Variants in MED23 observed in about 807,000 individuals in gnomAD.
The protein encoded by MED23 is mediator of RNA polymerase II transcription subunit 23.
In MED23, 105 loss-of-function variants were observed where a neutral mutation model predicts 163.9. The observed-to-expected ratio is 0.64, with a 90% confidence interval of 0.55 to 0.75. The LOEUF (loss-of-function observed/expected upper bound fraction) is 0.75. Among genes scored for constraint, MED23 ranks in the 30% least tolerant of loss-of-function variants. The probability of loss-of-function intolerance (pLI) is 0.00; values close to 1 mark genes in which losing one functional copy is unlikely to be tolerated. For missense variants in MED23, 1,054 were observed against 1,649.0 expected, an observed-to-expected ratio of 0.64 and a Z score of 6.25; for synonymous variants, 561 against 565.6, an observed-to-expected ratio of 0.99 and a Z score of 0.12.
intron 15 of MED23, among the ~76,000 whole-genome samples, chr6:131,603,837 C>T (rs1775666196): frequency 6.6e-6 from 1 of 152,162 alleles, no homozygotes; most frequent in Non-Finnish European, 1.5e-5. Context: ...CACTGGAGGA[C>T]AGCATTGCTG....
downstream of MED23, chr6:131,583,539 A>G: frequency 6.4e-7 from 1 of 1,566,844 alleles, no homozygotes; most frequent in Non-Finnish European, 8.6e-7. Context: ...CACTTGACTA[A>G]TATATATTTA....
chr6:131,590,249 A>T (rs1774500720), intron 27 of MED23, 73 bp downstream of exon 27: 7 of 1,427,554 alleles, frequency 4.9e-6, no homozygotes, highest in Non-Finnish European at 6.9e-6. Context: ...CAGTTTCAAT[A>T]ACACTGGTAA....
At chr6:131,614,928 C>G (rs1030112353) in intron 10 of MED23, among the ~76,000 whole-genome samples, 7 of 151,638 alleles carry the variant, frequency 4.6e-5, no homozygotes, top group Non-Finnish European at 1.0e-4. Flanking sequence ...AAGGCCACCA[C>G]AAATCTTTCC....
intron 12 of MED23, 99 bp from the exon 13 acceptor site, chr6:131,606,723 A>G: frequency 7.5e-6 from 8 of 1,063,440 alleles, no homozygotes; most frequent in Non-Finnish European, 1.1e-5. Context: ...AACTCTTTTT[A>G]GCATATCATG....
At chr6:131,617,398 C>A (rs73779832) in intron 9 of MED23, among the ~76,000 whole-genome samples, 4,042 of 148,468 alleles carry the variant, frequency 0.027, 189 homozygotes, top group African/African-American at 0.092. Context: ...TTAAGATAAT[C>A]TTTAAAAGAC....
At chr6:131,582,642 TC>T, downstream of MED23, 1 of 1,613,896 alleles carries the variant, frequency 6.2e-7, no homozygotes, top group Non-Finnish European at 8.5e-7. Flanking sequence ...GCCAGGATTC[TC>T]CTGGGTGACT....
Position 131,598,901 on chromosome 6 carries a change from A to G in MED23, c.2221-140T>C, listed in dbSNP as rs777552154. The G allele has an allele frequency of 1.4e-6, 1 of 727,166 alleles. No individual in the cohort carries two copies. Among genetic ancestry groups the G allele is most frequent in the Non-Finnish European group, 2.4e-6 (1 of 417,322 alleles). The allele number at this position is 727,166 out of a possible 1,614,324, so 45.0% of individuals were successfully genotyped here. On this transcript the variant is annotated intron_variant, in intron 18 of 28. Coordinates refer to ENST00000368068, the MANE Select transcript of MED23 (RefSeq NM_004830.4). This position sits in a 1 kb window ranked among gnomAD's most constrained non-coding sequence, Gnocchi z 4.7. ...TGAGCAACTCAGCAATTAAGGCCTG[A>G]ATTTCTGTGTCTGGAAAATACATAA...
intron 27 of MED23, 55 bp from the exon 28 acceptor site, chr6:131,589,651 G>T: frequency 1.3e-6 from 2 of 1,556,004 alleles, no homozygotes; most frequent in Non-Finnish European, 1.8e-6. Flanking sequence ...CAGTAATTCA[G>T]CATGATGCAG....
chr6:131,599,957 C>T lies in MED23; in HGVS notation c.2220+81G>A. ...AAAAGCTAATTTTATTCAGAAGTCA[C>T]CAAGACTCACTCTAGAACACCATTG... On this transcript the variant is annotated intron_variant, in intron 18 of 28. Transcript: ENST00000368068. 2.6e-6 allele frequency: 4 copies of T among 1,525,920 alleles called. No individual in the cohort carries two copies. In the Admixed American group the frequency reaches 6.7e-5, roughly 26 times the overall value. The allele number at this position is 1,525,920 out of a possible 1,614,324, so 94.5% of individuals were successfully genotyped here. A position where few individuals can be genotyped will look rare whatever the true frequency, so the allele number is the denominator to read the frequency against.
chr6:131,591,499 C>T lies in MED23; in HGVS notation c.3500G>A (p.Arg1167Gln), dbSNP rs1774631668. 8 of 1,613,478 alleles carry T rather than the reference C, an allele frequency of 5.0e-6. No homozygotes were observed. The highest frequency in any genetic ancestry group is 4.5e-5 in the East Asian group (2 of 44,882). The change falls in exon 26 of 29, where the codon CGA (arginine) becomes CAA (glutamine). Residue 1167 changes from arginine (R) to glutamine (Q), a missense_variant. Physicochemically the swap from Arg to Gln is conservative, Grantham distance 43. Coordinates refer to ENST00000368068, the MANE Select transcript of MED23 (RefSeq NM_004830.4). ...PEPYWIVLHD[R>Q]IVSVISSPSL... The stretch of plus-strand genomic sequence containing the variant: ...GGGGCTGCTGATGACACTCACAATT[C>T]GATCATGAAGAACAATCCAATATGG...
chr6:131,593,557 G>T (rs564104198), intron 23 of MED23, among the ~76,000 whole-genome samples: 54 of 152,088 alleles, frequency 3.6e-4, no homozygotes, highest in Non-Finnish European at 6.5e-4. Context: ...GCTCATTTAT[G>T]TAGAATTTCT....
chr6:131,605,307 C>T lies in MED23; in HGVS notation c.1546G>A (p.Ala516Thr). Residue 516 changes from alanine to threonine, a missense_variant, in exon 14 of 29, where the codon GCT becomes ACT. By Grantham distance (58) the Ala-to-Thr change is moderately conservative. Around this residue, in one of 11 missense-constraint regions of MED23, gnomAD observed 54 missense variants for 89.8 expected, o/e 0.60. Coordinates refer to ENST00000368068, the MANE Select transcript of MED23 (RefSeq NM_004830.4). ...RIPLPGTNCM[A>T]SGSITPLPMN... ...GGTAAGGGGGTAATAGATCCTGAAG[C>T]CATACAGTTTGTTCCAGGGAGAGGT... 6.2e-7 allele frequency: 1 copy of T among 1,613,262 alleles called. No homozygotes were observed. Among genetic ancestry groups the T allele is most frequent in the Non-Finnish European group, 8.5e-7 (1 of 1,179,420 alleles).
chr6:131,579,993 G>T (rs1773837864), intron 30 of MED23, among the ~76,000 whole-genome samples: 2 of 151,978 alleles, frequency 1.3e-5, no homozygotes, highest in South Asian at 2.1e-4. Context: ...TTCATCAAGG[G>T]GTTACATCGC....
In MED23 at chr6:131,628,145, A is replaced by C; in HGVS notation, c.-96T>G. ...GGGGCAGAGGGGCGGAGACCTCTGG[A>C]GGAAACCGTAGCTCCTCGGCGTCGC... is the stretch of plus-strand genomic sequence containing the variant. On this transcript the variant is annotated 5_prime_UTR_variant, in exon 1 of 29. Coordinates refer to ENST00000368068, the MANE Select transcript of MED23 (RefSeq NM_004830.4). The C allele has an allele frequency of 7.8e-6, 11 of 1,414,238 alleles. No homozygotes were observed. In the South Asian group the frequency reaches 1.3e-4, roughly 16 times the overall value. 87.6% of individuals were successfully genotyped at this position (1,414,238 alleles called of 1,614,324 possible).
intron 22 of MED23, 103 bp from the exon 23 acceptor site, chr6:131,594,438 T>C: frequency 1.1e-6 from 1 of 893,414 alleles, no homozygotes; most frequent in Admixed American, 1.7e-5. Context: ...GCTCAGAAGA[T>C]TTATGAAACA....
downstream of MED23, among the ~76,000 whole-genome samples, chr6:131,582,383 A>G (rs1773970791): frequency 6.6e-6 from 1 of 152,212 alleles, no homozygotes; most frequent in Non-Finnish European, 1.5e-5. Context: ...CCTGGGAAAG[A>G]AGGGCCCAGC....
intron 24 of MED23, 48 bp downstream of exon 24, chr6:131,592,958 T>C (rs1774757583): frequency 6.2e-7 from 1 of 1,606,260 alleles, no homozygotes; most frequent in African/African-American, 1.3e-5. Flanking sequence ...AATACCATTC[T>C]ATTTACAAAT....
rs1472120572 is a variant in MED23, at chr6:131,600,412, T to C, written c.2096-250A>G. Among the ~76,000 whole-genome samples the C allele has an allele frequency of 3.9e-5, 6 of 152,190 alleles. No homozygotes were observed. The East Asian group carries it at 1.2e-3, about 29-fold the overall frequency. On this transcript the variant is annotated intron_variant, in intron 17 of 28. Transcript: ENST00000368068. ...ACATTTGAAATCTCTTTTTTTGAGGTTACAGAGTACCAGCGATAACAGTAA... is the reference window on the plus strand; with the variant it reads ...ACATTTGAAATCTCTTTTTTTGAGGCTACAGAGTACCAGCGATAACAGTAA...
chr6:131,583,559 G>A, downstream of MED23: 1 of 1,457,442 alleles, frequency 6.9e-7, no homozygotes, highest in Admixed American at 2.2e-5. Context: ...ATACCTCCTT[G>A]ACCTGAAACC....
Sources: allele counts gnomAD v4.1 joint callset (sites outside exome capture counted in the v4.1 genomes callset), GRCh38; gene constraint gnomAD v4.1.1; regional missense constraint gnomAD v4.1.1; non-coding constraint Gnocchi (gnomAD v3.1); transcripts MANE v1.5; gene names NCBI Gene and HGNC (gene_info 2026-07-23, HGNC 2026-07-21).